The following RNF130 variants were observed in gnomAD, a reference collection of about 807,000 sequenced individuals.
RNF130 encodes the protein E3 ubiquitin-protein ligase RNF130.
RNF130 carries 21 observed loss-of-function variants against 44.6 expected under a neutral mutation model. That is an observed-to-expected ratio of 0.47 (90% CI 0.33 to 0.68). The LOEUF (loss-of-function observed/expected upper bound fraction) is 0.68. Among genes scored for constraint, RNF130 ranks in the 30% least tolerant of loss-of-function variants. RNF130 has a pLI of 0.02. For synonymous variants in RNF130, 214 were observed against 210.4 expected (o/e 1.02, Z -0.15); for missense variants, 479 against 560.6 (o/e 0.85, Z 1.47).
chr5:179,956,996 T>C (rs796785074), intron 8 of RNF130, among the ~76,000 whole-genome samples: 7 of 152,396 alleles, frequency 4.6e-5, no homozygotes, highest in African/African-American at 1.7e-4. Flanking sequence ...CCTTATTATT[T>C]CTTGTAGTTC....
chr5:179,948,961 A>C (rs902584739), intron 7 of RNF130, among the ~76,000 whole-genome samples: 2 of 128,596 alleles, frequency 1.6e-5, no homozygotes, highest in Non-Finnish European at 1.6e-5. Context: ...CCTTGGAATA[A>C]TTTTTTTTTT....
At chr5:180,025,910 C>T (rs926222981) in intron 2 of RNF130, among the ~76,000 whole-genome samples, 6 of 152,048 alleles carry the variant, frequency 3.9e-5, no homozygotes, top group African/African-American at 7.2e-5. Flanking sequence ...ATTACTGATA[C>T]GTAAAGGTAT....
chr5:180,054,419 T>C, intron 1 of RNF130, among the ~76,000 whole-genome samples: 1 of 152,166 alleles, frequency 6.6e-6, no homozygotes, highest in East Asian at 1.9e-4. Flanking sequence ...ACTTAGCTTT[T>C]GAGACAATGC....
At chr5:180,020,707 G>A (rs1264190246) in intron 2 of RNF130, among the ~76,000 whole-genome samples, 2 of 152,126 alleles carry the variant, frequency 1.3e-5, no homozygotes, top group Non-Finnish European at 2.9e-5. Context: ...GCTATCTCTT[G>A]ACTGTATGTC....
intron 1 of RNF130, among the ~76,000 whole-genome samples, chr5:180,051,221 C>A (rs970834134): frequency 1.0e-5 from 1 of 98,422 alleles, no homozygotes; most frequent in African/African-American, 3.0e-5. Context: ...AAATTATCAC[C>A]TTTTTGTATA....
At chr5:180,024,502 A>C (rs1763945506) in intron 2 of RNF130, among the ~76,000 whole-genome samples, 1 of 152,184 alleles carries the variant, frequency 6.6e-6, no homozygotes, top group South Asian at 2.1e-4. Context: ...CATCAGAAAA[A>C]AACGTAAGCC....
intron 2 of RNF130, among the ~76,000 whole-genome samples, chr5:180,026,226 CTTCCT>C (rs1763981050): frequency 6.6e-6 from 1 of 152,114 alleles, no homozygotes; most frequent in Non-Finnish European, 1.5e-5. Context: ...ATTACCTCAT[CTTCCT>C]TTCAACAATG....
chr5:179,971,027 TA>T (rs139061421), intron 5 of RNF130, among the ~76,000 whole-genome samples: 2,568 of 152,272 alleles, frequency 0.017, 72 homozygotes, highest in African/African-American at 0.058. Context: ...GAAACTATTT[TA>T]AGGGGTAAAC....
chr5:179,922,975 A>G (rs1461172453), intron 7 of RNF130, among the ~76,000 whole-genome samples: 1 of 152,122 alleles, frequency 6.6e-6, no homozygotes, highest in African/African-American at 2.4e-5. Context: ...ACATTTTGCA[A>G]ATATTTCCTC....
intron 6 of RNF130, 92 bp downstream of exon 6, chr5:179,970,318 T>A: frequency 1.1e-6 from 1 of 928,260 alleles, no homozygotes; most frequent in Non-Finnish European, 1.6e-6. Context: ...TGTGTCTTAG[T>A]CATGCCTCCT....
At chr5:179,930,121 G>C (rs914022801) in intron 7 of RNF130, among the ~76,000 whole-genome samples, 2 of 152,088 alleles carry the variant, frequency 1.3e-5, no homozygotes, top group Non-Finnish European at 2.9e-5. Context: ...GCAATGGCGT[G>C]ATCTTGGCTC....
intron 2 of RNF130, among the ~76,000 whole-genome samples, chr5:180,019,862 G>C (rs537376612): frequency 3.2e-4 from 48 of 152,302 alleles, no homozygotes; most frequent in African/African-American, 1.1e-3. Context: ...AAGCACTGGG[G>C]AGCCACATGG....
chr5:179,963,291 A>T (rs1762373771), intron 8 of RNF130, among the ~76,000 whole-genome samples, 180 bp downstream of exon 8: 1 of 152,236 alleles, frequency 6.6e-6, no homozygotes. Flanking sequence ...GTGAATTCCC[A>T]ATCTGTGTTA....
chr5:180,019,095 C>A (rs1309756988), intron 2 of RNF130, among the ~76,000 whole-genome samples: 1 of 152,146 alleles, frequency 6.6e-6, no homozygotes, highest in Non-Finnish European at 1.5e-5. Context: ...AGATTAAAAT[C>A]ACTTTGAGGC....
chr5:180,048,472 G>C (rs1764620057), intron 1 of RNF130, among the ~76,000 whole-genome samples: 1 of 152,058 alleles, frequency 6.6e-6, no homozygotes, highest in Non-Finnish European at 1.5e-5. Context: ...CAATGACTTA[G>C]ATTGATTAAA....
At chr5:180,053,836 T>C (rs1281446833) in intron 1 of RNF130, among the ~76,000 whole-genome samples, 1 of 151,752 alleles carries the variant, frequency 6.6e-6, no homozygotes, top group Non-Finnish European at 1.5e-5. Flanking sequence ...TTTTTTTTTT[T>C]TTTTTTAATT....
chr5:180,056,673 A>G (rs1019371063), intron 1 of RNF130, among the ~76,000 whole-genome samples: 2 of 152,254 alleles, frequency 1.3e-5, no homozygotes, highest in Admixed American at 1.3e-4. Context: ...AGAGTGTCTT[A>G]TGGACACTCA....
At position 180,029,224 on chromosome 5, in the gene RNF130, T is replaced by C. The variant is rs1207048614; in HGVS notation, c.442+11229A>G. Among the ~76,000 whole-genome samples, 5 of 152,256 alleles carry C rather than the reference T, an allele frequency of 3.3e-5. No homozygotes were observed. In the South Asian group the frequency reaches 8.3e-4, roughly 25 times the overall value. ...GAATGTCATAAAAAATTAAAATCTG[T>C]GATAAATTATTAAATATGATTTTGG... On this transcript the variant is annotated intron_variant, in intron 2 of 8. Coordinates refer to ENST00000521389, the MANE Select transcript of RNF130 (RefSeq NM_018434.6).
intron 7 of RNF130, chr5:179,939,616 T>C: frequency 4.5e-6 from 2 of 448,344 alleles, no homozygotes; most frequent in South Asian, 1.8e-5. Flanking sequence ...GAAGTTGCCA[T>C]TCCACTACCA....
Sources: gnomAD v4.1 joint callset for allele counts (sites outside exome capture counted in the v4.1 genomes callset) on GRCh38, gnomAD v4.1.1 for gene constraint, MANE v1.5 for transcripts, NCBI Gene and HGNC (gene_info 2026-07-23, HGNC 2026-07-21) for gene names.